Variants in TBC1D5 observed in about 807,000 individuals in gnomAD.
TBC1D5 encodes the protein TBC1 domain family member 5, also known as TBC1 domain family, member 5.
A neutral mutation model predicts 100.3 loss-of-function variants in TBC1D5; 75 were observed. The ratio of observed to expected loss-of-function variants is 0.75; its 90% CI spans 0.62 to 0.91. The LOEUF (loss-of-function observed/expected upper bound fraction) is 0.91. Ranked by LOEUF, TBC1D5 falls within the 40% of genes least tolerant of loss-of-function variation. The pLI is 0.00. For synonymous variants in TBC1D5, 323 were observed against 325.6 expected (o/e 0.99, Z 0.09); for missense variants, 910 against 942.4 (o/e 0.97, Z 0.45).
chr3:17,222,898 T>C (rs2074437812), intron 17 of TBC1D5, among the ~76,000 whole-genome samples: 1 of 152,128 alleles, frequency 6.6e-6, no homozygotes. Context: ...GGTAGAAGCA[T>C]TAAATTTTTT....
At chr3:17,662,851 C>G (rs1298889952) in intron 1 of TBC1D5, 1 of 151,886 alleles carries the variant, frequency 6.6e-6, no homozygotes, top group Admixed American at 6.6e-5. Flanking sequence ...GCATGACACA[C>G]AAAAAGTAGA....
chr3:17,596,111 T>A (rs2060546111), intron 2 of TBC1D5, among the ~76,000 whole-genome samples: 1 of 151,982 alleles, frequency 6.6e-6, no homozygotes, highest in Non-Finnish European at 1.5e-5. Flanking sequence ...TTCCATCCTT[T>A]CCCCATGTGG....
At chr3:17,679,103 G>A (rs2069099080) in intron 1 of TBC1D5, among the ~76,000 whole-genome samples, 1 of 150,828 alleles carries the variant, frequency 6.6e-6, no homozygotes, top group African/African-American at 2.5e-5. Context: ...CAATGAGTTG[G>A]GATCCACGGA....
At chr3:17,224,670 G>C (rs1463813010) in intron 17 of TBC1D5, among the ~76,000 whole-genome samples, 1 of 152,122 alleles carries the variant, frequency 6.6e-6, no homozygotes, top group African/African-American at 2.4e-5. Flanking sequence ...GTAATGATAT[G>C]TCTGGGAGAA....
upstream of TBC1D5, among the ~76,000 whole-genome samples, chr3:17,742,110 G>C (rs1030264840): frequency 6.6e-5 from 10 of 152,142 alleles, no homozygotes; most frequent in African/African-American, 2.4e-4. Flanking sequence ...TCTAGACCCC[G>C]ACCTCCTGGG....
chr3:17,464,252 G>A (rs190080029), intron 3 of TBC1D5, among the ~76,000 whole-genome samples: 15 of 152,112 alleles, frequency 9.9e-5, no homozygotes, highest in African/African-American at 3.4e-4. Context: ...GAGCCACTGC[G>A]CCTGTCCATT....
chr3:17,520,404 A>G (rs1331617413), intron 2 of TBC1D5, among the ~76,000 whole-genome samples: 11 of 152,212 alleles, frequency 7.2e-5, no homozygotes, highest in Admixed American at 5.9e-4. Flanking sequence ...AAATTTTTAA[A>G]TTAAGGTTAA....
chr3:17,253,021 G>C (rs1159822271), intron 16 of TBC1D5, among the ~76,000 whole-genome samples: 1 of 152,134 alleles, frequency 6.6e-6, no homozygotes, highest in Admixed American at 6.5e-5. Flanking sequence ...GTCTGGCACT[G>C]TGTATAGTAT....
At chr3:17,649,743 C>G (rs2065358404) in intron 1 of TBC1D5, among the ~76,000 whole-genome samples, 1 of 152,098 alleles carries the variant, frequency 6.6e-6, no homozygotes, top group Non-Finnish European at 1.5e-5. Flanking sequence ...GGCGATCCCT[C>G]AAGAATCTAC....
At chr3:17,193,853 G>A (rs868378490) in intron 18 of TBC1D5, among the ~76,000 whole-genome samples, 7 of 152,338 alleles carry the variant, frequency 4.6e-5, no homozygotes, top group Middle Eastern at 6.8e-3. Context: ...CACACTTACA[G>A]AAGGTGTTCT....
chr3:17,640,723 T>C (rs73167514), intron 1 of TBC1D5, among the ~76,000 whole-genome samples: 7,626 of 151,834 alleles, frequency 0.05, 603 homozygotes, highest in African/African-American at 0.17. Flanking sequence ...ATCACAAGCC[T>C]CTCTTTAAAG....
At chr3:17,403,079 G>A in intron 8 of TBC1D5, 102 bp downstream of exon 8, 2 of 920,474 alleles carry the variant, frequency 2.2e-6, no homozygotes, top group South Asian at 1.8e-5. Context: ...GTAGAATACT[G>A]CATTCAATTA....
rs201284450 is a variant in TBC1D5 at position 17,371,882 on chromosome 3, A to G, written c.995+193T>C. On this transcript the variant is annotated intron_variant, in intron 13 of 21. Coordinates refer to ENST00000253692, the Ensembl canonical transcript of TBC1D5. ...GTGAAACCCTGTCTACCAAAACTAC[A>G]AAAACTTAGCTGGGCTTGGTGGCAC... Among the ~76,000 whole-genome samples, 5 of 152,178 alleles carry G rather than the reference A, an allele frequency of 3.3e-5. No homozygotes were observed. In the East Asian group the frequency reaches 7.7e-4, roughly 24 times the overall value.
intron 1 of TBC1D5, among the ~76,000 whole-genome samples, chr3:17,649,427 G>T (rs2065323362): frequency 6.6e-6 from 1 of 152,062 alleles, no homozygotes; most frequent in African/African-American, 2.4e-5. Context: ...TGTGACACAT[G>T]TTTACCTATG....
chr3:17,277,438 A>AATT (rs896999322), intron 15 of TBC1D5, among the ~76,000 whole-genome samples: 2 of 152,050 alleles, frequency 1.3e-5, no homozygotes, highest in East Asian at 1.9e-4. Flanking sequence ...ATAGAATAGT[A>AATT]ATTATTATTA....
chr3:17,352,945 CTT>C (rs1559700677), intron 13 of TBC1D5, among the ~76,000 whole-genome samples: 1 of 152,080 alleles, frequency 6.6e-6, no homozygotes, highest in East Asian at 1.9e-4. Context: ...ACTAAACAAA[CTT>C]AAACACACTG....
In TBC1D5 at chr3:17,591,456, A is replaced by G. The variant is rs563275127; in HGVS notation, c.-36+32393T>C. 1.4e-4 allele frequency among the ~76,000 whole-genome samples: 22 copies of G among 152,144 alleles called. 1 individual carries two copies. Among genetic ancestry groups the G allele is most frequent in the East Asian group, 1.4e-3 (7 of 5,162 alleles). ...GAGACCTCCAGCCTTTTACCAGGGTAACTGTGCACTGGGGAAAGAGAAATG... is the reference window on the plus strand; with the variant it reads ...GAGACCTCCAGCCTTTTACCAGGGTGACTGTGCACTGGGGAAAGAGAAATG... On this transcript the variant is annotated intron_variant, in intron 2 of 21. Coordinates refer to ENST00000253692, the Ensembl canonical transcript of TBC1D5.
chr3:17,214,076 T>G lies in TBC1D5; in HGVS notation c.1752+131A>C, dbSNP rs981257887. On this transcript the variant is annotated intron_variant, in intron 18 of 21. Transcript: ENST00000253692. ...AAGTAAAATAATAAAATACTTTTGA[T>G]AAAATAATTCCTTTTAGTCCATAAA... is the stretch of plus-strand genomic sequence containing the variant. The G allele has an allele frequency of 5.8e-6, 5 of 863,056 alleles. No individual in the cohort carries two copies. The African/African-American group carries it at 8.9e-5, about 15-fold the overall frequency. The allele number at this position is 863,056 out of a possible 1,614,324, so 53.5% of individuals were successfully genotyped here.
intron 1 of TBC1D5, among the ~76,000 whole-genome samples, chr3:17,731,635 A>C (rs114517731): frequency 0.015 from 2,259 of 152,250 alleles, 25 homozygotes; most frequent in Middle Eastern, 0.034. Context: ...CGGGGACACC[A>C]GTCAGAAGAC....
Sources: allele counts gnomAD v4.1 joint callset (sites outside exome capture counted in the v4.1 genomes callset), GRCh38; gene constraint gnomAD v4.1.1; transcripts MANE v1.5; gene names NCBI Gene and HGNC (gene_info 2026-07-23, HGNC 2026-07-21).